The following CEP128 variants were observed in gnomAD, a reference collection of about 807,000 sequenced individuals.
The protein encoded by CEP128 is centrosomal protein 128, also known as centrosomal protein 128kDa.
CEP128 carries 132 observed loss-of-function variants against 156.7 expected under a neutral mutation model. That is an observed-to-expected ratio of 0.84 (90% CI 0.73 to 0.97). The LOEUF (loss-of-function observed/expected upper bound fraction) is 0.97. CEP128 is among the 50% of genes least tolerant of loss of function. The pLI is 0.00. For missense variants in CEP128, 1,252 were observed against 1,281.9 expected (o/e 0.98, Z 0.36); for synonymous variants, 469 against 448.9 (o/e 1.04, Z -0.57).
chr14:80,900,802 G>C (rs576578557), intron 6 of CEP128, among the ~76,000 whole-genome samples: 2 of 152,128 alleles, frequency 1.3e-5, no homozygotes, highest in African/African-American at 4.8e-5. Context: ...ATAAGATGTA[G>C]GTAGTAAAAA....
chr14:80,553,083 C>CTTTTT (rs5809997), intron 21 of CEP128, among the ~76,000 whole-genome samples: 4 of 148,992 alleles, frequency 2.7e-5, no homozygotes, highest in Admixed American at 6.7e-5. Flanking sequence ...TTCTTTCTTT[C>CTTTTT]TTTTTTTTAA....
intron 16 of CEP128, among the ~76,000 whole-genome samples, chr14:80,764,299 C>G (rs550088675): frequency 6.6e-6 from 1 of 151,060 alleles, no homozygotes; most frequent in Non-Finnish European, 1.5e-5. Flanking sequence ...GAGATCGAGA[C>G]CATCCTGGCT....
chr14:80,945,187 T>C (rs1208106943), upstream of CEP128, among the ~76,000 whole-genome samples: 1 of 152,160 alleles, frequency 6.6e-6, no homozygotes, highest in Non-Finnish European at 1.5e-5. Context: ...CAGAGATCCA[T>C]CTTTTCTCTG....
At chr14:80,669,847 T>G (rs1895768299) in intron 19 of CEP128, among the ~76,000 whole-genome samples, 1 of 152,162 alleles carries the variant, frequency 6.6e-6, no homozygotes, top group Non-Finnish European at 1.5e-5. Flanking sequence ...AAGAAACACC[T>G]GAGACTGGAT....
chr14:80,770,921 C>A (rs566620959), intron 16 of CEP128, among the ~76,000 whole-genome samples: 4 of 152,248 alleles, frequency 2.6e-5, no homozygotes, highest in South Asian at 4.1e-4. Context: ...CTGCCTGCTA[C>A]CATCAAATAC....
chr14:80,798,572 A>G (rs1883634815), intron 13 of CEP128, among the ~76,000 whole-genome samples: 1 of 152,228 alleles, frequency 6.6e-6, no homozygotes, highest in African/African-American at 2.4e-5. Flanking sequence ...CTCAGTAACC[A>G]GGTGGTCAAA....
At chr14:80,515,188 A>T (rs1648449100) in intron 23 of CEP128, among the ~76,000 whole-genome samples, 1 of 152,148 alleles carries the variant, frequency 6.6e-6, no homozygotes, top group Non-Finnish European at 1.5e-5. Flanking sequence ...ATGATGACTA[A>T]TGCCTGGCTG....
intron 2 of CEP128, among the ~76,000 whole-genome samples, chr14:80,932,080 A>C (rs570725906): frequency 3.3e-4 from 51 of 152,270 alleles, no homozygotes; most frequent in Admixed American, 3.1e-3. Flanking sequence ...TGGTTTTATA[A>C]GGGGCTTTTC....
intron 9 of CEP128, among the ~76,000 whole-genome samples, chr14:80,848,550 A>T (rs1375703579): frequency 3.3e-5 from 5 of 152,014 alleles, no homozygotes; most frequent in African/African-American, 4.8e-5. Context: ...AATTCCAACT[A>T]TTCAGGAGGC....
intron 19 of CEP128, among the ~76,000 whole-genome samples, chr14:80,697,141 T>C (rs921359315): frequency 1.3e-5 from 2 of 152,094 alleles, no homozygotes; most frequent in Non-Finnish European, 1.5e-5. Flanking sequence ...TATTAAATGT[T>C]AGCAACTGAA....
intron 16 of CEP128, among the ~76,000 whole-genome samples, chr14:80,768,705 C>A (rs1021512010): frequency 3.9e-5 from 6 of 152,284 alleles, no homozygotes; most frequent in African/African-American, 1.4e-4. Context: ...ACTTTCCAAT[C>A]TATAACCTGG....
intron 13 of CEP128, among the ~76,000 whole-genome samples, chr14:80,806,680 G>A (rs1222957079): frequency 6.6e-6 from 1 of 152,028 alleles, no homozygotes; most frequent in African/African-American, 2.4e-5. Context: ...AGAACAACTT[G>A]GTTATACATT....
At chr14:80,851,512 A>G (rs996239322) in intron 9 of CEP128, among the ~76,000 whole-genome samples, 1 of 152,114 alleles carries the variant, frequency 6.6e-6, no homozygotes, top group African/African-American at 2.4e-5. Flanking sequence ...TAAGTACTGT[A>G]TGTTTAAAAT....
upstream of CEP128, among the ~76,000 whole-genome samples, chr14:80,943,662 T>C (rs577379604): frequency 3.3e-5 from 5 of 152,282 alleles, no homozygotes; most frequent in African/African-American, 1.2e-4. Context: ...TCAGCTTTGG[T>C]GTGCTCTCAG....
chr14:80,673,623 G>A (rs967453075), intron 19 of CEP128, among the ~76,000 whole-genome samples: 1 of 106,928 alleles, frequency 9.4e-6, no homozygotes, highest in Non-Finnish European at 1.7e-5. Flanking sequence ...TCCAGCCTGG[G>A]CGACAGAGCG....
intron 19 of CEP128, among the ~76,000 whole-genome samples, chr14:80,680,289 C>T (rs1169203704): frequency 1.3e-5 from 2 of 152,130 alleles, no homozygotes; most frequent in Non-Finnish European, 2.9e-5. Flanking sequence ...CCCAAGTATG[C>T]TCCCCTCAGA....
At chr14:80,905,020 TG>T in intron 5 of CEP128, 89 bp from the exon 6 acceptor site, 1 of 775,474 alleles carries the variant, frequency 1.3e-6, no homozygotes, top group Admixed American at 1.8e-5. Flanking sequence ...ATGGCAGACA[TG>T]GATATACATA....
At chr14:80,935,319 G>A (rs1267480988) in intron 2 of CEP128, among the ~76,000 whole-genome samples, 3 of 152,088 alleles carry the variant, frequency 2.0e-5, no homozygotes, top group African/African-American at 7.2e-5. Flanking sequence ...TGGAGGCCAA[G>A]GTGGGTGGAT....
In CEP128 at chr14:80,862,863, C is replaced by T. The variant is rs370474015; in HGVS notation, c.656G>A (p.Arg219Gln). 63 of 1,612,740 alleles carry T rather than the reference C, an allele frequency of 3.9e-5. No homozygotes were observed. The highest frequency in any genetic ancestry group is 1.6e-4 in the Middle Eastern group (1 of 6,080). ...CAGTTCCTGAAGCCGCCGCTCCACCCGATCTGAAACCTTAATAAGAATTCA... is the reference window on the plus strand; with the variant it reads ...CAGTTCCTGAAGCCGCCGCTCCACCTGATCTGAAACCTTAATAAGAATTCA... Reference protein sequence around the residue: ...EAQKQEVVSDRVERRLQELER... With the variant: ...EAQKQEVVSDQVERRLQELER... Residue 219 changes from arginine (R) to glutamine (Q), a missense_variant, in exon 9 of 25, where the codon CGG (arginine) becomes CAG (glutamine). Arg to Gln is a conservative substitution (Grantham distance 43). Coordinates refer to ENST00000555265, the MANE Select transcript of CEP128 (RefSeq NM_152446.5).
Sources: allele counts gnomAD v4.1 joint callset (sites outside exome capture counted in the v4.1 genomes callset), GRCh38; gene constraint gnomAD v4.1.1; transcripts MANE v1.5; gene names NCBI Gene and HGNC (gene_info 2026-07-23, HGNC 2026-07-21).